Variants in BRSK1 observed in about 807,000 individuals in gnomAD.
BRSK1 encodes the protein BR serine/threonine kinase 1, also known as serine/threonine-protein kinase BRSK1.
BRSK1 carries 17 observed loss-of-function variants against 86.2 expected under a neutral mutation model. The ratio of observed to expected loss-of-function variants is 0.20; its 90% CI spans 0.14 to 0.30. The LOEUF is 0.30. BRSK1 is among the 10% of genes least tolerant of loss of function. The pLI, the probability that BRSK1 is intolerant of heterozygous loss-of-function variation, is 1.00. For synonymous variants in BRSK1, 464 were observed against 440.1 expected (o/e 1.05, Z -0.68); for missense variants, 719 against 1,071.9 (o/e 0.67, Z 4.60).
At position 55,303,737 on chromosome 19, in the gene BRSK1, C is replaced by A. The variant is rs1439262596; in HGVS notation, c.1197C>A (p.Ser399=). Reference sequence around the variant, plus strand: ...GGAAGCGGCGACCAGAGCGGAAGTCCATGGAAGTCCTGAGCATCACCGATG... The same window carrying A: ...GGAAGCGGCGACCAGAGCGGAAGTCAATGGAAGTCCTGAGCATCACCGATG... ...RHGKRRPERK[S]MEVLSITDAG... Residue 399 remains serine, a synonymous_variant, in exon 12 of 19, where the codon TCC becomes TCA. Transcript: ENST00000309383. The surrounding 1 kb of genome is among the most constrained non-coding windows in gnomAD (Gnocchi z 5.1). The A allele has an allele frequency of 6.2e-7, 1 of 1,613,848 alleles. No individual in the cohort carries two copies. Among genetic ancestry groups the A allele is most frequent in the Admixed American group, 1.7e-5 (1 of 59,942 alleles).
intron 7 of BRSK1, among the ~76,000 whole-genome samples, chr19:55,298,857 C>A (rs933876080): frequency 1.5e-4 from 23 of 152,180 alleles, no homozygotes; most frequent in Admixed American, 3.3e-4. Context: ...TGGAGAAAGC[C>A]CCTCTGATGG....
chr19:55,291,246 A>AT (rs930947688), intron 4 of BRSK1, among the ~76,000 whole-genome samples: 21 of 148,884 alleles, frequency 1.4e-4, no homozygotes, highest in Admixed American at 3.4e-4. Flanking sequence ...ACTTTTAAAG[A>AT]TTTTTTTTTT....
At position 55,304,507 on chromosome 19, in the gene BRSK1, G is replaced by A. The variant is rs754085804; in HGVS notation, c.1348-44G>A. 2.0e-6 allele frequency: 3 copies of A among 1,501,036 alleles called. No individual in the cohort carries two copies. The highest frequency in any genetic ancestry group is 2.7e-5 in the South Asian group (2 of 73,358). The allele number at this position is 1,501,036 out of a possible 1,614,324, so 93.0% of individuals were successfully genotyped here. A position where few individuals can be genotyped will look rare whatever the true frequency, so the allele number is the denominator to read the frequency against. On this transcript the variant is annotated intron_variant, in intron 13 of 18. Transcript: ENST00000309383. The surrounding 1 kb of genome is among the most constrained non-coding windows in gnomAD (Gnocchi z 5.2). ...GAGTGGGGCTCCTAGAGCCTCCTGG[G>A]AGTTGTAGTCCACTCGCTTATCTCA...
At position 55,286,930 on chromosome 19, in the gene BRSK1, T is replaced by C. The variant is rs1486380070; in HGVS notation, c.137-77T>C. Reference sequence around the variant, plus strand: ...GCCCAGGAGGAAGGAGCAAACAGGGTGGCCAAGGGGGGACATAGGCGCTGG... The same window carrying C: ...GCCCAGGAGGAAGGAGCAAACAGGGCGGCCAAGGGGGGACATAGGCGCTGG... On this transcript the variant is annotated intron_variant, in intron 1 of 18. Coordinates refer to ENST00000309383, the MANE Select transcript of BRSK1 (RefSeq NM_032430.2). 1.4e-4 allele frequency: 193 copies of C among 1,346,154 alleles called. 1 individual carries two copies. Among genetic ancestry groups the C allele is most frequent in the Non-Finnish European group, 4.2e-6 (4 of 941,850 alleles). 83.4% of individuals were successfully genotyped at this position (1,346,154 alleles called of 1,614,324 possible).
chr19:55,286,158 G>A (rs572073321), intron 1 of BRSK1, among the ~76,000 whole-genome samples: 1 of 136,634 alleles, frequency 7.3e-6, no homozygotes, highest in Non-Finnish European at 1.6e-5. Flanking sequence ...GGGCTGGGGG[G>A]GCTGGATTCC....
intron 17 of BRSK1, 106 bp from the exon 18 acceptor site, chr19:55,308,532 AG>A (rs1339348275): frequency 1.7e-5 from 13 of 755,410 alleles, no homozygotes; most frequent in South Asian, 2.8e-5. Context: ...ACGGAGATGC[AG>A]GGGGGGTGTT....
chr19:55,304,463 CG>C lies in BRSK1; in HGVS notation c.1348-87del. On this transcript the variant is annotated intron_variant, in intron 13 of 18. Coordinates refer to ENST00000309383, the MANE Select transcript of BRSK1 (RefSeq NM_032430.2). The surrounding 1 kb of genome is among the most constrained non-coding windows in gnomAD (Gnocchi z 5.2). ...CAAGTTGCAGCATGCACCGGGCCAG[CG>C]TCCGTGAGTGTGCGTGTGAGTGGGG... is the stretch of plus-strand genomic sequence containing the variant. The C allele has an allele frequency of 7.2e-7, 1 of 1,396,430 alleles. No individual in the cohort carries two copies. The highest frequency in any genetic ancestry group is 1.5e-5 in the South Asian group (1 of 66,318). The allele number at this position is 1,396,430 out of a possible 1,614,324, so 86.5% of individuals were successfully genotyped here. A position where few individuals can be genotyped will look rare whatever the true frequency, so the allele number is the denominator to read the frequency against.
In BRSK1 at chr19:55,289,504, G is replaced by A. The variant is rs142000353; in HGVS notation, c.342G>A (p.Ser114=). ...KYLYLVLEHV[S]GGELFDYLVK... ...GGTACCTGGTTCTGGAGCACGTCTC[G>A]GGGGGTGAGCTATTCGACTACCTGG... Residue 114 remains serine (S), a synonymous_variant, in exon 4 of 19, where the codon TCG becomes TCA. Coordinates refer to ENST00000309383, the MANE Select transcript of BRSK1 (RefSeq NM_032430.2). 20 of 1,613,648 alleles carry A rather than the reference G, an allele frequency of 1.2e-5. No individual in the cohort carries two copies. The highest frequency in any genetic ancestry group is 2.2e-5 in the East Asian group (1 of 44,898).
In BRSK1 at chr19:55,284,303, A is replaced by G; in HGVS notation, c.-140A>G. 1.5e-6 allele frequency: 1 copy of G among 688,276 alleles called. No homozygotes were observed. Among genetic ancestry groups the G allele is most frequent in the Non-Finnish European group, 2.0e-6 (1 of 495,574 alleles). The allele number at this position is 688,276 out of a possible 1,614,324, so 42.6% of individuals were successfully genotyped here. The stretch of plus-strand genomic sequence containing the variant: ...CCCGCCGACTGGGGGGGGCCAGCCC[A>G]GCCCCCTGGGGACCCCCGGAGAGGT... On this transcript the variant is annotated 5_prime_UTR_variant, in exon 1 of 19. Coordinates refer to ENST00000309383, the MANE Select transcript of BRSK1 (RefSeq NM_032430.2).
intron 3 of BRSK1, among the ~76,000 whole-genome samples, chr19:55,288,659 C>G (rs1314052222): frequency 6.6e-6 from 1 of 151,902 alleles, no homozygotes; most frequent in East Asian, 1.9e-4. Context: ...GATCTCGGCT[C>G]ACCACAACCT....
rs749804905 is a variant in BRSK1 at position 55,287,131 on chromosome 19, G to T, written c.231+30G>T. 3 of 1,612,810 alleles carry T rather than the reference G, an allele frequency of 1.9e-6. No individual in the cohort carries two copies. The South Asian group carries it at 3.3e-5, about 18-fold the overall frequency. ...GTGCGCCTGCTGCAGTGTGCCTGCG[G>T]GTGGGGGGGCCTCCGGGGCTGAGGG... On this transcript the variant is annotated intron_variant, in intron 2 of 18. Transcript: ENST00000309383. The surrounding 1 kb of genome is among the most constrained non-coding windows in gnomAD (Gnocchi z 5.3).
chr19:55,301,756 T>C, intron 8 of BRSK1, 98 bp downstream of exon 8: 8 of 1,406,718 alleles, frequency 5.7e-6, no homozygotes, highest in Non-Finnish European at 7.7e-6. Flanking sequence ...AACCTGCTCG[T>C]CAGTCCCCAG....
Position 55,301,699 on chromosome 19 carries a change from C to T in BRSK1, c.825+41C>T, listed in dbSNP as rs368106463. ...GACCGGCGGAGGGGGGAACAGTGGC[C>T]GATGAAGACAGAACCCCCTAGAAAA... On this transcript the variant is annotated intron_variant, in intron 8 of 18. Coordinates refer to ENST00000309383, the MANE Select transcript of BRSK1 (RefSeq NM_032430.2). 2.0e-4 allele frequency: 313 copies of T among 1,595,630 alleles called. 2 individuals are homozygous for T. In the South Asian group the frequency reaches 3.3e-3, roughly 17 times the overall value.
At position 55,303,835 on chromosome 19, in the gene BRSK1, C is replaced by T; in HGVS notation, c.1286+9C>T. On this transcript the variant is annotated intron_variant, in intron 12 of 18. Transcript: ENST00000309383. The surrounding 1 kb of genome is among the most constrained non-coding windows in gnomAD (Gnocchi z 5.1). ...GCCCAGCACAGCCAGAGGTGGGAGC[C>T]CCTGTCCCTCCAGGAGGATCCACAA... 1 of 1,559,298 alleles carries T rather than the reference C, an allele frequency of 6.4e-7. No individual in the cohort carries two copies. Among genetic ancestry groups the T allele is most frequent in the Admixed American group, 1.9e-5 (1 of 51,528 alleles).
rs756135544 is a variant in BRSK1 at position 55,312,016 on chromosome 19, G to GC, written c.2292dup (p.Lys765GlnfsTer39). On this transcript the variant is annotated frameshift_variant, in exon 19 of 19. Coordinates refer to ENST00000309383, the MANE Select transcript of BRSK1 (RefSeq NM_032430.2). LOFTEE classifies it high-confidence loss of function. ...GAGCTGAGCAGCTCTCCCCGCCGAGGCCCCCCCAAGGACAAGAAGCTCCTG... is the reference window on the plus strand; with the variant it reads ...GAGCTGAGCAGCTCTCCCCGCCGAGGCCCCCCCCAAGGACAAGAAGCTCCTG... 42 of 1,515,250 alleles carry GC rather than the reference G, an allele frequency of 2.8e-5. No individual in the cohort carries two copies. Among genetic ancestry groups the GC allele is most frequent in the South Asian group, 8.8e-5 (7 of 79,946 alleles). The allele number at this position is 1,515,250 out of a possible 1,614,324, so 93.9% of individuals were successfully genotyped here. A position where few individuals can be genotyped will look rare whatever the true frequency, so the allele number is the denominator to read the frequency against.
Position 55,302,764 on chromosome 19 carries a change from C to T in BRSK1, c.925C>T (p.Leu309=). The T allele has an allele frequency of 6.2e-7, 1 of 1,613,782 alleles. No homozygotes were observed. The highest frequency in any genetic ancestry group is 8.5e-7 in the Non-Finnish European group (1 of 1,179,922). Residue 309 remains leucine, a synonymous_variant, in exon 10 of 19, where the codon CTG becomes TTG. Coordinates refer to ENST00000309383, the MANE Select transcript of BRSK1 (RefSeq NM_032430.2). This position sits in a 1 kb window ranked among gnomAD's most constrained non-coding sequence, Gnocchi z 6.3. ...TGGCCGCCGGGTAGCCATGCGGAGC[C>T]TGCCATCCAACGGAGAGCTGGACCC... ...APGRRVAMRS[L]PSNGELDPDV...
chr19:55,306,514 T>C lies in BRSK1; in HGVS notation c.2089+64T>C, dbSNP rs2088653270. The C allele has an allele frequency of 6.4e-7, 1 of 1,573,936 alleles. No individual in the cohort carries two copies. The highest frequency in any genetic ancestry group is 1.3e-5 in the African/African-American group (1 of 74,372). On this transcript the variant is annotated intron_variant, in intron 17 of 18. Transcript: ENST00000309383. This position sits in a 1 kb window ranked among gnomAD's most constrained non-coding sequence, Gnocchi z 4.7. ...GGACTGTTCACGACAGCTGAGACAGTGTAGGGGCCCAGGAGTGCAGCAGCA... is the reference window on the plus strand; with the variant it reads ...GGACTGTTCACGACAGCTGAGACAGCGTAGGGGCCCAGGAGTGCAGCAGCA...
chr19:55,289,341 A>G, intron 3 of BRSK1, 139 bp from the exon 4 acceptor site: 2 of 971,712 alleles, frequency 2.1e-6, no homozygotes, highest in Non-Finnish European at 3.0e-6. Context: ...CCAGGGACCC[A>G]TGGGAATTGG....
chr19:55,296,313 T>C (rs970156417), intron 7 of BRSK1, among the ~76,000 whole-genome samples: 2 of 152,216 alleles, frequency 1.3e-5, no homozygotes, highest in African/African-American at 4.8e-5. Context: ...GGGGCATCTG[T>C]CTTTGTGTGT....
Sources: allele counts gnomAD v4.1 joint callset (sites outside exome capture counted in the v4.1 genomes callset), GRCh38; gene constraint gnomAD v4.1.1; non-coding constraint Gnocchi (gnomAD v3.1); transcripts MANE v1.5; gene names NCBI Gene and HGNC (gene_info 2026-07-23, HGNC 2026-07-21).